LRRC39: variants seen among roughly 807,000 people sequenced by gnomAD.
LRRC39 encodes the protein leucine-rich repeat-containing protein 39.
Under a neutral mutation model 39.7 loss-of-function variants are expected in LRRC39, and 35 were observed. The observed-to-expected ratio is 0.88, with a 90% CI of 0.67 to 1.17. LRRC39 has a LOEUF of 1.17. LRRC39 is among the 50% of genes most tolerant of loss of function. The pLI is 0.00. For missense variants in LRRC39, 357 were observed against 385.8 expected, an observed-to-expected ratio of 0.93 and a Z score of 0.62; for synonymous variants, 113 against 134.1, an observed-to-expected ratio of 0.84 and a Z score of 1.09.
At position 100,158,302 on chromosome 1, in the gene LRRC39, G is replaced by C; in HGVS notation, c.442C>G (p.Leu148Val). ...YNKIKTVPKE[L>V]SNCASLEKLE... is the part of the protein sequence containing the mutation. ...TTCTCCAAGCTGGCACAATTACTTA[G>C]TTCCTTGGGGACAGTCTTGATTTTG... is the stretch of plus-strand genomic sequence containing the variant. Residue 148 changes from leucine (L) to valine (V), a missense_variant, in exon 6 of 10, where the codon CTA becomes GTA. Physicochemically the swap from Leu to Val is conservative, Grantham distance 32. Coordinates refer to ENST00000370137, the MANE Select transcript of LRRC39 (RefSeq NM_144620.4). 1.2e-6 allele frequency: 2 copies of C among 1,613,980 alleles called. No individual in the cohort carries two copies. The highest frequency in any genetic ancestry group is 8.5e-7 in the Non-Finnish European group (1 of 1,179,910).
At chr1:100,179,650 T>C (rs926428970), upstream of LRRC39, among the ~76,000 whole-genome samples, 16 of 149,910 alleles carry the variant, frequency 1.1e-4, no homozygotes, top group African/African-American at 3.7e-4. Context: ...GGTGGGAGGA[T>C]ACCTTGAGCC....
At chr1:100,172,144 T>C (rs1000374706) in intron 2 of LRRC39, among the ~76,000 whole-genome samples, 1 of 152,170 alleles carries the variant, frequency 6.6e-6, no homozygotes, top group African/African-American at 2.4e-5. Context: ...GTCCCAGAGA[T>C]GACTTCAGTG....
At chr1:100,164,778 C>T (rs1157037612) in intron 3 of LRRC39, among the ~76,000 whole-genome samples, 4 of 151,930 alleles carry the variant, frequency 2.6e-5, no homozygotes, top group Admixed American at 6.6e-5. Flanking sequence ...TTGTAACTTA[C>T]TGCAGCCTTG....
chr1:100,148,622 T>C lies in LRRC39; in HGVS notation c.*420A>G. 1 of 1,597,534 alleles carries C rather than the reference T, an allele frequency of 6.3e-7. No homozygotes were observed. The highest frequency in any genetic ancestry group is 8.5e-7 in the Non-Finnish European group (1 of 1,175,890). On this transcript the variant is annotated 3_prime_UTR_variant, in exon 10 of 10. Transcript: ENST00000370137. ...ATGTTTTGTGTGTGTTTATTCAATT[T>C]AGGCTTCTTAGTGTTGAAGAAAAGA...
At chr1:100,169,903 T>G (rs1659481568) in intron 2 of LRRC39, among the ~76,000 whole-genome samples, 1 of 152,192 alleles carries the variant, frequency 6.6e-6, no homozygotes. Flanking sequence ...CCATTTATAC[T>G]CTTACTACCA....
chr1:100,149,326 A>C, intron 9 of LRRC39: 1 of 1,541,590 alleles, frequency 6.5e-7, no homozygotes, highest in Non-Finnish European at 8.7e-7. Flanking sequence ...CAATTCAGAG[A>C]TATTCACAAT....
chr1:100,169,742 T>C (rs1018416384), intron 2 of LRRC39, among the ~76,000 whole-genome samples: 1 of 152,172 alleles, frequency 6.6e-6, no homozygotes, highest in Non-Finnish European at 1.5e-5. Context: ...TAAGCAATAA[T>C]GTTTCTAAAA....
chr1:100,156,849 G>A (rs2101770908), intron 6 of LRRC39, among the ~76,000 whole-genome samples: 1 of 152,228 alleles, frequency 6.6e-6, no homozygotes, highest in South Asian at 2.1e-4. Context: ...GCTGGGCATG[G>A]TGGCACACGA....
At chr1:100,168,842 A>G (rs1659417769) in intron 2 of LRRC39, among the ~76,000 whole-genome samples, 1 of 152,098 alleles carries the variant, frequency 6.6e-6, no homozygotes, top group Non-Finnish European at 1.5e-5. Flanking sequence ...CATATCTAAT[A>G]TATGATTCCT....
At chr1:100,177,547 G>C (rs1165298922) in intron 1 of LRRC39, among the ~76,000 whole-genome samples, 2 of 152,092 alleles carry the variant, frequency 1.3e-5, no homozygotes, top group Non-Finnish European at 2.9e-5. Context: ...TACATACACT[G>C]GTAATCCAAC....
chr1:100,158,156 T>C, intron 6 of LRRC39, 75 bp downstream of exon 6: 1 of 1,448,808 alleles, frequency 6.9e-7, no homozygotes, highest in Non-Finnish European at 9.4e-7. Context: ...GTTTTATTAT[T>C]GTTAACAACC....
chr1:100,167,022 A>G (rs988100762), intron 3 of LRRC39, among the ~76,000 whole-genome samples: 1 of 152,196 alleles, frequency 6.6e-6, no homozygotes, highest in Non-Finnish European at 1.5e-5. Flanking sequence ...AAACAGACTA[A>G]TACACCAGGG....
At chr1:100,170,119 A>G (rs1285341134) in intron 2 of LRRC39, among the ~76,000 whole-genome samples, 1 of 152,240 alleles carries the variant, frequency 6.6e-6, no homozygotes, top group Non-Finnish European at 1.5e-5. Flanking sequence ...GTACAAGAAC[A>G]GGAAAAGATC....
chr1:100,156,921 G>A (rs956138711), intron 6 of LRRC39, among the ~76,000 whole-genome samples: 5 of 151,834 alleles, frequency 3.3e-5, no homozygotes, highest in African/African-American at 1.2e-4. Flanking sequence ...GGAGGTTGAG[G>A]CTGCAGTGAG....
chr1:100,160,902 G>T (rs1472343882), intron 3 of LRRC39, among the ~76,000 whole-genome samples: 1 of 152,028 alleles, frequency 6.6e-6, no homozygotes, highest in Non-Finnish European at 1.5e-5. Context: ...GGGATTACAC[G>T]TGTAAGCCAC....
At chr1:100,173,992 A>G (rs1225095069) in intron 1 of LRRC39, among the ~76,000 whole-genome samples, 1 of 152,204 alleles carries the variant, frequency 6.6e-6, no homozygotes, top group Non-Finnish European at 1.5e-5. Flanking sequence ...CTCAATCTGT[A>G]AAAATGTCAA....
At position 100,149,187 on chromosome 1, in the gene LRRC39, A is replaced by AT. The variant is rs1657696014; in HGVS notation, c.953-91dup. 4.0e-6 allele frequency: 6 copies of AT among 1,516,586 alleles called. No individual in the cohort carries two copies. In the South Asian group the frequency reaches 6.5e-5, roughly 17 times the overall value. 93.9% of individuals were successfully genotyped at this position (1,516,586 alleles called of 1,614,324 possible). A position where few individuals can be genotyped will look rare whatever the true frequency, so the allele number is the denominator to read the frequency against. On this transcript the variant is annotated intron_variant, in intron 9 of 9. Coordinates refer to ENST00000370137, the MANE Select transcript of LRRC39 (RefSeq NM_144620.4). ...TTATCTTCCTTTGATTTTATTTAAT[A>AT]TTTTTTATTTCTTAAGTTCAAGAGG...
chr1:100,162,456 T>C (rs1045124789), intron 3 of LRRC39, among the ~76,000 whole-genome samples: 4 of 150,556 alleles, frequency 2.7e-5, no homozygotes, highest in Admixed American at 1.3e-4. Context: ...CTGGCCAACA[T>C]GGTGAAACCC....
rs899187063 is a variant in LRRC39, at chr1:100,165,895, A to C, written c.113+2509T>G. On this transcript the variant is annotated intron_variant, in intron 3 of 9. Transcript: ENST00000370137. ...TTTCTTTTTTTTTTTTTTTTTTGAG[A>C]TGGAATTTCACTCTTGTTGCCCAGG... Among the ~76,000 whole-genome samples the C allele has an allele frequency of 4.1e-4, 48 of 118,122 alleles. 2 individuals are homozygous for C. In the Admixed American group the frequency reaches 4.3e-3, roughly 11 times the overall value. The allele number at this position is 118,122 out of a possible 152,430, so 77.5% of individuals were successfully genotyped here.
Sources: gnomAD v4.1 joint callset for allele counts (sites outside exome capture counted in the v4.1 genomes callset) on GRCh38, gnomAD v4.1.1 for gene constraint, MANE v1.5 for transcripts, NCBI Gene and HGNC (gene_info 2026-07-23, HGNC 2026-07-21) for gene names.